The following ANO4 variants were observed in gnomAD, a reference collection of about 807,000 sequenced individuals.
The protein encoded by ANO4 is anoctamin-4.
ANO4 carries 69 observed loss-of-function variants against 141.9 expected under a neutral mutation model. The ratio of observed to expected loss-of-function variants is 0.49; its 90% CI spans 0.40 to 0.59. The LOEUF is 0.59. ANO4 is among the 20% of genes least tolerant of loss of function. The pLI, the probability that ANO4 is intolerant of heterozygous loss-of-function variation, is 0.00. For missense variants in ANO4, 894 were observed against 1,162.2 expected (o/e 0.77, Z 3.36); for synonymous variants, 350 against 394.3 (o/e 0.89, Z 1.33).
At chr12:100,777,516 C>G (rs2033564395) in intron 3 of ANO4, among the ~76,000 whole-genome samples, 1 of 151,898 alleles carries the variant, frequency 6.6e-6, no homozygotes, top group African/African-American at 2.4e-5. Context: ...AGAAACTCCC[C>G]TTGGCTGGGA....
At chr12:100,828,013 A>C (rs1305550581) in intron 1 of ANO4, among the ~76,000 whole-genome samples, 1 of 152,016 alleles carries the variant, frequency 6.6e-6, no homozygotes, top group Non-Finnish European at 1.5e-5. Context: ...CTAGAGTCTT[A>C]GTTCCAGAAA....
chr12:100,863,016 G>A (rs534195656), intron 1 of ANO4, among the ~76,000 whole-genome samples: 21 of 152,286 alleles, frequency 1.4e-4, no homozygotes, highest in African/African-American at 4.6e-4. Flanking sequence ...TAGGTAAACA[G>A]CTGAAACCTT....
At position 101,096,516 on chromosome 12, in the gene ANO4, T is replaced by C. The variant is rs576266735; in HGVS notation, c.1739-20T>C. On this transcript the variant is annotated intron_variant, in intron 18 of 27. Coordinates refer to ENST00000392977, the MANE Select transcript of ANO4 (RefSeq NM_001286615.2). ...GGATGAGATTCAGCCTTTCAAACTC[T>C]GCTCACCTTTTGTCCACAGAACAGC... The C allele has an allele frequency of 6.3e-7, 1 of 1,587,184 alleles. No individual in the cohort carries two copies. The highest frequency in any genetic ancestry group is 8.7e-7 in the Non-Finnish European group (1 of 1,155,762).
At chr12:100,973,465 T>C (rs776686149) in intron 6 of ANO4, among the ~76,000 whole-genome samples, 1 of 152,226 alleles carries the variant, frequency 6.6e-6, no homozygotes, top group Non-Finnish European at 1.5e-5. Flanking sequence ...AAAGGAAATA[T>C]AGGAATAGAT....
chr12:101,043,720 T>G (rs1190314467), intron 13 of ANO4, 85 bp downstream of exon 13: 3 of 976,214 alleles, frequency 3.1e-6, no homozygotes, highest in African/African-American at 1.6e-5. Context: ...TTCTGTCATT[T>G]CCAGTCTTTG....
intron 8 of ANO4, among the ~76,000 whole-genome samples, chr12:101,002,035 G>A (rs983976340): frequency 3.9e-5 from 6 of 151,938 alleles, no homozygotes; most frequent in East Asian, 1.9e-4. Context: ...CATCTTCCTC[G>A]CTGCCCACCA....
chr12:100,729,941 A>G (rs764591743), intron 1 of ANO4, among the ~76,000 whole-genome samples: 15 of 152,176 alleles, frequency 9.9e-5, no homozygotes, highest in Non-Finnish European at 2.1e-4. Flanking sequence ...TAATTCAAGC[A>G]TTCTGCTTGT....
chr12:101,005,513 C>G (rs1203180121), intron 8 of ANO4, among the ~76,000 whole-genome samples: 3 of 152,160 alleles, frequency 2.0e-5, no homozygotes, highest in African/African-American at 7.2e-5. Flanking sequence ...TGAGCTCACT[C>G]AAGCTCTGGT....
At chr12:100,727,437 T>C (rs2031180324) in intron 1 of ANO4, among the ~76,000 whole-genome samples, 1 of 152,206 alleles carries the variant, frequency 6.6e-6, no homozygotes, top group Non-Finnish European at 1.5e-5. Flanking sequence ...CCTTTATCCT[T>C]AATAATGCTT....
At chr12:100,820,960 T>C (rs561194895) in intron 1 of ANO4, among the ~76,000 whole-genome samples, 1 of 152,152 alleles carries the variant, frequency 6.6e-6, no homozygotes, top group South Asian at 2.1e-4. Context: ...TTTTTGTTGG[T>C]CAGCATTATA....
At chr12:101,072,879 A>G (rs1394437703) in intron 14 of ANO4, among the ~76,000 whole-genome samples, 1 of 152,242 alleles carries the variant, frequency 6.6e-6, no homozygotes, top group Non-Finnish European at 1.5e-5. Context: ...CAAAACCACA[A>G]TGAGATATCA....
intron 1 of ANO4, among the ~76,000 whole-genome samples, chr12:100,796,024 C>G (rs1050020621): frequency 7.3e-6 from 1 of 136,956 alleles, no homozygotes; most frequent in East Asian, 2.3e-4. Context: ...GCAGGAGTCT[C>G]TCTTAACAGG....
chr12:100,840,800 A>G (rs2037200233), intron 1 of ANO4, among the ~76,000 whole-genome samples: 1 of 152,166 alleles, frequency 6.6e-6, no homozygotes, highest in African/African-American at 2.4e-5. Flanking sequence ...GTCAGAGGTC[A>G]GCTTTCTTAC....
chr12:100,726,149 C>G (rs186320424), intron 1 of ANO4, among the ~76,000 whole-genome samples: 1 of 152,108 alleles, frequency 6.6e-6, no homozygotes, highest in Non-Finnish European at 1.5e-5. Flanking sequence ...ATGGTAGTTA[C>G]GTGATGTGTT....
rs1161339266 is a variant in ANO4 at position 100,885,942 on chromosome 12, A to G, written c.-140-15704A>G. Among the ~76,000 whole-genome samples, 3 of 152,284 alleles carry G rather than the reference A, an allele frequency of 2.0e-5. No homozygotes were observed. In the East Asian group the frequency reaches 5.8e-4, roughly 29 times the overall value. ...TGTCCCAGGGGAGCCACAAAGCTGA[A>G]CTTAACATCTTGCCTACCGAAATAT... On this transcript the variant is annotated intron_variant, in intron 1 of 27. Coordinates refer to ENST00000392977, the MANE Select transcript of ANO4 (RefSeq NM_001286615.2).
At chr12:100,988,959 G>A (rs1480679816) in intron 8 of ANO4, among the ~76,000 whole-genome samples, 1 of 152,012 alleles carries the variant, frequency 6.6e-6, no homozygotes, top group Non-Finnish European at 1.5e-5. Context: ...GCCAGGTGGG[G>A]ACATATTTCA....
At position 101,053,266 on chromosome 12, in the gene ANO4, G is replaced by A. The variant is rs145039703; in HGVS notation, c.1312+4865G>A. The stretch of plus-strand genomic sequence containing the variant: ...TAGCTTTGCCAGGCAGAGTAGTGGG[G>A]TTGGAAGGAGACATAGATAACATTC... On this transcript the variant is annotated intron_variant, in intron 14 of 27. Transcript: ENST00000392977. Among the ~76,000 whole-genome samples, 3 of 152,228 alleles carry A rather than the reference G, an allele frequency of 2.0e-5. No individual in the cohort carries two copies. In the East Asian group the frequency reaches 5.8e-4, roughly 29 times the overall value.
At chr12:100,950,407 C>G (rs1456613045) in intron 5 of ANO4, among the ~76,000 whole-genome samples, 1 of 152,174 alleles carries the variant, frequency 6.6e-6, no homozygotes, top group African/African-American at 2.4e-5. Context: ...TCTTCTGAAC[C>G]TCAGAGCCCT....
chr12:100,836,545 T>G (rs2036931276), intron 1 of ANO4, among the ~76,000 whole-genome samples: 1 of 146,112 alleles, frequency 6.8e-6, no homozygotes, highest in South Asian at 2.3e-4. Context: ...CCTGTGTCTT[T>G]AAGCTCTTTC....
Sources: gnomAD v4.1 joint callset for allele counts (sites outside exome capture counted in the v4.1 genomes callset) on GRCh38, gnomAD v4.1.1 for gene constraint, MANE v1.5 for transcripts, NCBI Gene and HGNC (gene_info 2026-07-23, HGNC 2026-07-21) for gene names.